The following JARID2 variants were observed in gnomAD, a reference collection of about 807,000 sequenced individuals.
JARID2 encodes protein Jumonji.
JARID2 carries 21 observed loss-of-function variants against 125.6 expected under a neutral mutation model. The observed-to-expected ratio is 0.17, with a 90% confidence interval of 0.12 to 0.24. The LOEUF (loss-of-function observed/expected upper bound fraction) is 0.24, where lower values mean the gene tolerates loss of function less well. Ranked by LOEUF, JARID2 falls within the 10% of genes least tolerant of loss-of-function variation. JARID2 has a pLI of 1.00. For synonymous variants in JARID2, 736 were observed against 661.6 expected, an observed-to-expected ratio of 1.11 and a Z score of -1.73; for missense variants, 1,303 against 1,639.6, an observed-to-expected ratio of 0.79 and a Z score of 3.55.
intron 2 of JARID2, among the ~76,000 whole-genome samples, chr6:15,377,982 T>C (rs1764427699): frequency 1.3e-5 from 2 of 151,730 alleles, no homozygotes; most frequent in African/African-American, 4.9e-5. Context: ...GCCTCCGGGT[T>C]CAAGTGATTG....
At chr6:15,434,113 C>T (rs370683675) in intron 3 of JARID2, among the ~76,000 whole-genome samples, 6 of 151,422 alleles carry the variant, frequency 4.0e-5, no homozygotes, top group African/African-American at 1.5e-4. Flanking sequence ...GTAAGTCTGT[C>T]TCCACCCTTC....
chr6:15,377,204 T>A (rs7771388), intron 2 of JARID2, among the ~76,000 whole-genome samples: 151,008 of 152,312 alleles, frequency 0.99, 74,862 homozygotes, highest in East Asian at 1. Context: ...GAAGAAAAAG[T>A]GGTTTAATTG....
At chr6:15,290,785 A>AT (rs1431482553) in intron 1 of JARID2, among the ~76,000 whole-genome samples, 6 of 151,818 alleles carry the variant, frequency 4.0e-5, no homozygotes, top group African/African-American at 2.4e-5. Flanking sequence ...CGCCCAGTTA[A>AT]TTTTTTTTGT....
chr6:15,247,530 ACT>A lies in JARID2; in HGVS notation c.45+949_45+950del, dbSNP rs200009736. The A allele has an allele frequency of 2.2e-4, 191 of 864,456 alleles. No homozygotes were observed. The East Asian group carries it at 3.8e-3, about 17-fold the overall frequency. 53.5% of individuals were successfully genotyped at this position (864,456 alleles called of 1,614,324 possible). A position where few individuals can be genotyped will look rare whatever the true frequency, so the allele number is the denominator to read the frequency against. On this transcript the variant is annotated intron_variant, in intron 1 of 17. Coordinates refer to ENST00000341776, the MANE Select transcript of JARID2 (RefSeq NM_004973.4). ...TTAGCTGCATGCTTTAAATTAAATA[ACT>A]CTTTTTTTTTTTCAAAAAAGGCCAA...
chr6:15,458,141 T>G (rs1768273779), intron 4 of JARID2, among the ~76,000 whole-genome samples: 1 of 152,242 alleles, frequency 6.6e-6, no homozygotes. Flanking sequence ...ATCGCCGTAT[T>G]CCCTGTCACC....
chr6:15,249,635 G>C (rs1759361654), intron 1 of JARID2, among the ~76,000 whole-genome samples: 1 of 152,198 alleles, frequency 6.6e-6, no homozygotes, highest in Non-Finnish European at 1.5e-5. Flanking sequence ...ATTATTACTT[G>C]AGCTGGTGGA....
At chr6:15,247,531 C>A (rs1374428595) in intron 1 of JARID2, 1 of 812,920 alleles carries the variant, frequency 1.2e-6, no homozygotes, top group Non-Finnish European at 1.4e-6. Context: ...AATTAAATAA[C>A]TCTTTTTTTT....
chr6:15,503,924 C>T (rs541169464), intron 8 of JARID2, among the ~76,000 whole-genome samples: 13 of 152,302 alleles, frequency 8.5e-5, no homozygotes, highest in East Asian at 7.7e-4. Context: ...GAAGAAGAGG[C>T]GCAGAGGGGA....
chr6:15,469,560 G>C (rs1768968824), intron 5 of JARID2, among the ~76,000 whole-genome samples: 1 of 150,614 alleles, frequency 6.6e-6, no homozygotes, highest in Admixed American at 6.6e-5. Flanking sequence ...ATCCTCCTGA[G>C]TAGCTGGGAC....
chr6:15,336,141 C>T (rs144968952), intron 1 of JARID2, among the ~76,000 whole-genome samples: 65 of 152,124 alleles, frequency 4.3e-4, no homozygotes, highest in African/African-American at 1.5e-3. Context: ...AAAGGCATGG[C>T]CCCTTTATCA....
chr6:15,479,680 A>T (rs956446897), intron 5 of JARID2, among the ~76,000 whole-genome samples: 4 of 152,202 alleles, frequency 2.6e-5, no homozygotes, highest in African/African-American at 4.8e-5. Flanking sequence ...TTTGCTTATG[A>T]TACTGGAGTT....
intron 1 of JARID2, among the ~76,000 whole-genome samples, chr6:15,271,415 T>A (rs946747425): frequency 6.6e-6 from 1 of 152,228 alleles, no homozygotes; most frequent in African/African-American, 2.4e-5. Flanking sequence ...TTCGCTTCTT[T>A]TTTCTTTTTT....
At chr6:15,425,631 C>T (rs1766693139) in intron 3 of JARID2, among the ~76,000 whole-genome samples, 1 of 152,126 alleles carries the variant, frequency 6.6e-6, no homozygotes. Flanking sequence ...CCATATGTTG[C>T]CTTCTACTCT....
chr6:15,489,725 C>A (rs2237125), intron 6 of JARID2, among the ~76,000 whole-genome samples: 92,463 of 152,208 alleles, frequency 0.61, 28,412 homozygotes, highest in East Asian at 0.81. Flanking sequence ...CTCACACAGC[C>A]GGCCTCTGTC....
At chr6:15,338,183 AAGG>A (rs1280038259) in intron 1 of JARID2, among the ~76,000 whole-genome samples, 1 of 152,142 alleles carries the variant, frequency 6.6e-6, no homozygotes, top group African/African-American at 2.4e-5. Context: ...TGGAGAGTGA[AAGG>A]AGGCCACTCG....
At chr6:15,502,557 C>T (rs571729580) in intron 8 of JARID2, among the ~76,000 whole-genome samples, 161 of 152,336 alleles carry the variant, frequency 1.1e-3, no homozygotes, top group African/African-American at 3.6e-3. Context: ...AGGCTCTGGC[C>T]TGGCCTTGTA....
chr6:15,335,302 G>C (rs548489549), intron 1 of JARID2, among the ~76,000 whole-genome samples: 1 of 152,104 alleles, frequency 6.6e-6, no homozygotes, highest in East Asian at 1.9e-4. Context: ...GTTTCACCGT[G>C]TTGGCCAGGC....
chr6:15,340,776 T>C (rs1763041949), intron 1 of JARID2, among the ~76,000 whole-genome samples: 2 of 152,162 alleles, frequency 1.3e-5, no homozygotes, highest in South Asian at 4.1e-4. Context: ...TCGTTCCTCT[T>C]TAGTGGGAAA....
intron 1 of JARID2, among the ~76,000 whole-genome samples, chr6:15,272,895 A>G (rs1048021443): frequency 3.3e-5 from 5 of 152,052 alleles, no homozygotes; most frequent in Admixed American, 6.6e-5. Flanking sequence ...CACTAAGTTT[A>G]TTTTCTTCTC....
Sources: gnomAD v4.1 joint callset for allele counts (sites outside exome capture counted in the v4.1 genomes callset) on GRCh38, gnomAD v4.1.1 for gene constraint, MANE v1.5 for transcripts, NCBI Gene and HGNC (gene_info 2026-07-23, HGNC 2026-07-21) for gene names.